The following RAPGEF2 variants were observed in gnomAD, a reference collection of about 807,000 sequenced individuals.
The protein encoded by RAPGEF2 is PDZ domain containing guanine nucleotide exchange factor (GEF) 1.
RAPGEF2 carries 54 observed loss-of-function variants against 186.7 expected under a neutral mutation model. The ratio of observed to expected loss-of-function variants is 0.29; its 90% CI spans 0.23 to 0.36. RAPGEF2 has a LOEUF of 0.36. RAPGEF2 is among the 10% of genes least tolerant of loss of function. The pLI, the probability that RAPGEF2 is intolerant of heterozygous loss-of-function variation, is 1.00. For missense variants in RAPGEF2, 1,532 were observed against 2,045.0 expected (o/e 0.75, Z 4.84); for synonymous variants, 712 against 705.9 (o/e 1.01, Z -0.14).
rs746132734 is a variant in RAPGEF2 at position 159,350,259 on chromosome 4, C to T, written c.3835C>T (p.Pro1279Ser). ...TGCATCTTCGCAGCTTTCTTCTCCT[C>T]CTACTTCTCCACAGAGTTCTCCAAG... ...SNASSQLSSP[P>S]TSPQSSPRKG... The change falls in exon 26 of 30, where the codon CCT (proline) becomes TCT (serine). Residue 1279 changes from proline to serine, a missense_variant. Transcript: ENST00000691494. The T allele has an allele frequency of 1.3e-6, 2 of 1,595,154 alleles. No homozygotes were observed. The highest frequency in any genetic ancestry group is 1.7e-6 in the Non-Finnish European group (2 of 1,172,032).
At chr4:159,321,481 T>G (rs2111149227) in intron 9 of RAPGEF2, among the ~76,000 whole-genome samples, 1 of 152,284 alleles carries the variant, frequency 6.6e-6, no homozygotes, top group African/African-American at 2.4e-5. Flanking sequence ...ATGTTAGGAT[T>G]ACAGGCACGA....
chr4:159,137,835 A>G (rs1741891077), intron 1 of RAPGEF2, among the ~76,000 whole-genome samples: 1 of 152,170 alleles, frequency 6.6e-6, no homozygotes, highest in Admixed American at 6.5e-5. Context: ...CTATAAGCAC[A>G]AAGAGTAACT....
chr4:159,149,680 T>C (rs1338153349), intron 1 of RAPGEF2, among the ~76,000 whole-genome samples: 1 of 152,224 alleles, frequency 6.6e-6, no homozygotes, highest in African/African-American at 2.4e-5. Flanking sequence ...ATTTTGAGTA[T>C]GTATTTCCCT....
At chr4:159,327,229 CTG>C (rs1766045734) in intron 11 of RAPGEF2, 1 of 152,168 alleles carries the variant, frequency 6.6e-6, no homozygotes, top group African/African-American at 2.4e-5. Flanking sequence ...ATGATATAAA[CTG>C]TCATTGACTT....
intron 7 of RAPGEF2, chr4:159,268,041 C>T (rs551703629): frequency 2.1e-6 from 3 of 1,461,258 alleles, no homozygotes; most frequent in East Asian, 2.5e-5. Flanking sequence ...TTGGTTTTCC[C>T]TCCTCCCTTT....
At chr4:159,323,712 T>C (rs1348077606) in intron 11 of RAPGEF2, 95 bp downstream of exon 11, 5 of 765,668 alleles carry the variant, frequency 6.5e-6, no homozygotes, top group Non-Finnish European at 7.1e-6. Flanking sequence ...ATAAATATCT[T>C]ACAAATAATT....
At chr4:159,163,512 T>C (rs1267523235) in intron 1 of RAPGEF2, among the ~76,000 whole-genome samples, 2 of 152,230 alleles carry the variant, frequency 1.3e-5, no homozygotes, top group Non-Finnish European at 2.9e-5. Context: ...TATAAGCTTA[T>C]ATTTCTCGTA....
At chr4:159,220,847 AT>A (rs896241375) in intron 4 of RAPGEF2, among the ~76,000 whole-genome samples, 3 of 152,224 alleles carry the variant, frequency 2.0e-5, no homozygotes, top group Admixed American at 6.5e-5. Flanking sequence ...TCAGAATTAT[AT>A]TTTTAACTTG....
At chr4:159,344,986 A>T (rs1178468502) in intron 23 of RAPGEF2, 120 bp from the exon 24 acceptor site, 3 of 753,732 alleles carry the variant, frequency 4.0e-6, no homozygotes, top group Non-Finnish European at 4.4e-6. Flanking sequence ...CAGTTTACTC[A>T]CTGGAATGAG....
intron 9 of RAPGEF2, among the ~76,000 whole-genome samples, chr4:159,314,975 G>A (rs1184666573): frequency 6.6e-6 from 1 of 151,900 alleles, no homozygotes; most frequent in African/African-American, 2.4e-5. Context: ...AAATAATAAT[G>A]TGAATGAAAC....
At chr4:159,316,295 A>T (rs1764597677) in intron 9 of RAPGEF2, among the ~76,000 whole-genome samples, 1 of 152,194 alleles carries the variant, frequency 6.6e-6, no homozygotes, top group South Asian at 2.1e-4. Context: ...CTAACTAATG[A>T]TTAATGATTT....
chr4:159,247,315 A>G (rs926036351), intron 7 of RAPGEF2, among the ~76,000 whole-genome samples: 3 of 152,116 alleles, frequency 2.0e-5, no homozygotes, highest in South Asian at 2.1e-4. Context: ...TGCCCTTACA[A>G]TCTCACAGGG....
rs1459888219 is a variant in RAPGEF2, at chr4:159,322,539, G to A, written c.990+56G>A. On this transcript the variant is annotated intron_variant, in intron 10 of 29. Transcript: ENST00000691494. ...TTCTTCTTAAAGATATCTCAATACA[G>A]CAATTGAACAAAACCCCAATTCTTA... 35 of 1,474,174 alleles carry A rather than the reference G, an allele frequency of 2.4e-5. No individual in the cohort carries two copies. The South Asian group carries it at 3.6e-4, about 15-fold the overall frequency. The allele number at this position is 1,474,174 out of a possible 1,614,324, so 91.3% of individuals were successfully genotyped here.
rs544530030 is a variant in RAPGEF2, at chr4:159,337,910, A to G, written c.2136-401A>G. Among the ~76,000 whole-genome samples the G allele has an allele frequency of 1.2e-3, 170 of 143,156 alleles. 1 individual carries two copies. The highest frequency in any genetic ancestry group is 3.4e-3 in the African/African-American group (126 of 36,660). 93.9% of individuals were successfully genotyped at this position (143,156 alleles called of 152,430 possible). A position where few individuals can be genotyped will look rare whatever the true frequency, so the allele number is the denominator to read the frequency against. On this transcript the variant is annotated intron_variant, in intron 17 of 29. Transcript: ENST00000691494. ...ATCTCAAAAAAAAAAAAAAAAAAAA[A>G]AAAGAAAGAAAAACCATAGGTTTTA...
chr4:159,318,054 C>A (rs1382161957), intron 9 of RAPGEF2, among the ~76,000 whole-genome samples: 1 of 145,466 alleles, frequency 6.9e-6, no homozygotes, highest in Non-Finnish European at 1.5e-5. Context: ...AAAAAGCCAT[C>A]TTTAAAAAAA....
chr4:159,259,111 A>G (rs1756514839), intron 7 of RAPGEF2, among the ~76,000 whole-genome samples: 1 of 152,246 alleles, frequency 6.6e-6, no homozygotes, highest in Admixed American at 6.5e-5. Context: ...TAACATGTTC[A>G]ATATTCATGG....
chr4:159,174,281 T>C (rs1323200633), intron 1 of RAPGEF2, among the ~76,000 whole-genome samples: 1 of 152,220 alleles, frequency 6.6e-6, no homozygotes, highest in Non-Finnish European at 1.5e-5. Flanking sequence ...CTGTGACTTC[T>C]GTTGTGACTA....
intron 2 of RAPGEF2, among the ~76,000 whole-genome samples, chr4:159,191,926 A>G (rs1403870988): frequency 6.6e-6 from 1 of 152,184 alleles, no homozygotes; most frequent in Non-Finnish European, 1.5e-5. Context: ...AGAGAGGAAC[A>G]TGGAGAAGGA....
intron 7 of RAPGEF2, among the ~76,000 whole-genome samples, chr4:159,275,054 C>CGTGTGTGTGTGTGT (rs35461332): frequency 1.4e-5 from 2 of 143,868 alleles, no homozygotes; most frequent in South Asian, 2.3e-4. Context: ...CTCTGTCTCT[C>CGTGTGTGTGTGTGT]GTGTGTGTGT....
Sources: gnomAD v4.1 joint callset for allele counts (sites outside exome capture counted in the v4.1 genomes callset) on GRCh38, gnomAD v4.1.1 for gene constraint, MANE v1.5 for transcripts, NCBI Gene and HGNC (gene_info 2026-07-23, HGNC 2026-07-21) for gene names.